Variants in NUP214 observed in about 807,000 individuals in gnomAD.
The protein encoded by NUP214 is nucleoporin 214.
Under a neutral mutation model 196.2 loss-of-function variants are expected in NUP214, and 79 were observed. That is an observed-to-expected ratio of 0.40 (90% CI 0.34 to 0.49). The LOEUF is 0.49. NUP214 is among the 20% of genes least tolerant of loss of function. The pLI is 0.58. For synonymous variants in NUP214, 1,020 were observed against 990.5 expected (o/e 1.03, Z -0.56); for missense variants, 2,468 against 2,539.0 (o/e 0.97, Z 0.60).
At chr9:131,143,196 A>G (rs1200587632) in intron 11 of NUP214, among the ~76,000 whole-genome samples, 5 of 152,078 alleles carry the variant, frequency 3.3e-5, no homozygotes, top group Admixed American at 2.6e-4. Flanking sequence ...TTTTGTAGCA[A>G]CAGGGTCTCA....
chr9:131,213,751 CTGTTGTTGT>C (rs55661030), intron 30 of NUP214, among the ~76,000 whole-genome samples: 62 of 147,646 alleles, frequency 4.2e-4, no homozygotes, highest in East Asian at 1.0e-3. Context: ...TGAATTGGTA[CTGTTGTTGT>C]TGTTGTTGTT....
In NUP214 at chr9:131,198,082, C is replaced by A. The variant is rs143320929; in HGVS notation, c.4588C>A (p.Pro1530Thr). ...ACAGTCAGCCCAGCTTCCCCAGGCT[C>A]CTCCGCAAACTTCTGACTCTGTTAA... ...EQQSAQLPQA[P>T]PQTSDSVKKE... The change falls in exon 29 of 36, where the codon CCT becomes ACT. Residue 1530 changes from proline (P) to threonine (T), a missense_variant. Around this residue, in one of 5 missense-constraint regions of NUP214, gnomAD observed 1,801 missense variants for 1,779.4 expected, o/e 1.01. Coordinates refer to ENST00000359428, the MANE Select transcript of NUP214 (RefSeq NM_005085.4). The A allele has an allele frequency of 6.7e-5, 108 of 1,614,068 alleles. No homozygotes were observed. Among genetic ancestry groups the A allele is most frequent in the Non-Finnish European group, 8.9e-5 (105 of 1,180,030 alleles).
chr9:131,157,880 A>G (rs978061566), intron 17 of NUP214, among the ~76,000 whole-genome samples: 26 of 152,010 alleles, frequency 1.7e-4, no homozygotes, highest in Non-Finnish European at 2.9e-5. Flanking sequence ...TCCTGGCCTC[A>G]AGTGATCCAC....
chr9:131,227,075 A>G (rs1422745388), intron 32 of NUP214, among the ~76,000 whole-genome samples: 1 of 152,262 alleles, frequency 6.6e-6, no homozygotes, highest in Non-Finnish European at 1.5e-5. Context: ...CACATTTCTT[A>G]TGCCATTCTA....
chr9:131,223,774 G>A (rs1160341777), intron 32 of NUP214, among the ~76,000 whole-genome samples: 4 of 35,824 alleles, frequency 1.1e-4, no homozygotes, highest in Non-Finnish European at 1.9e-4. Flanking sequence ...TCGCTCTGTC[G>A]CCCAGGCTGG....
At chr9:131,222,648 C>T in intron 31 of NUP214, 130 bp from the exon 32 acceptor site, 1 of 1,072,140 alleles carries the variant, frequency 9.3e-7, no homozygotes, top group Non-Finnish European at 1.3e-6. Flanking sequence ...TGTCGCTCCG[C>T]TCCCTTGGCT....
At chr9:131,217,850 G>A (rs982835128) in intron 31 of NUP214, among the ~76,000 whole-genome samples, 1 of 152,206 alleles carries the variant, frequency 6.6e-6, no homozygotes, top group Admixed American at 6.5e-5. Flanking sequence ...CCTTCTGTCA[G>A]TGGCTGGCTG....
intron 19 of NUP214, 82 bp from the exon 20 acceptor site, chr9:131,163,788 T>C (rs1030824539): frequency 8.7e-6 from 8 of 918,252 alleles, no homozygotes; most frequent in Non-Finnish European, 1.4e-5. Context: ...CTTGCATTTA[T>C]ATTTAAGAGG....
In NUP214 at chr9:131,232,194, G is replaced by A; in HGVS notation, c.6215-90G>A. ...AGGCACGGAGGGCTTCCCACAAGAA[G>A]CACAGAGGAGGGCAGACACTTAGCA... is the stretch of plus-strand genomic sequence containing the variant. On this transcript the variant is annotated intron_variant, in intron 34 of 35. Coordinates refer to ENST00000359428, the MANE Select transcript of NUP214 (RefSeq NM_005085.4). This position sits in a 1 kb window ranked among gnomAD's most constrained non-coding sequence, Gnocchi z 5.1. The A allele has an allele frequency of 1.4e-6, 2 of 1,405,560 alleles. No individual in the cohort carries two copies. Among genetic ancestry groups the A allele is most frequent in the Non-Finnish European group, 2.0e-6 (2 of 989,822 alleles). 87.1% of individuals were successfully genotyped at this position (1,405,560 alleles called of 1,614,324 possible). A position where few individuals can be genotyped will look rare whatever the true frequency, so the allele number is the denominator to read the frequency against.
intron 27 of NUP214, chr9:131,193,964 TA>T (rs1833700466): frequency 6.6e-6 from 1 of 151,702 alleles, no homozygotes; most frequent in Admixed American, 6.6e-5. Flanking sequence ...TTCCCATTTT[TA>T]AAATAACCCA....
At chr9:131,181,047 A>G (rs150455165) in intron 24 of NUP214, among the ~76,000 whole-genome samples, 55 of 152,316 alleles carry the variant, frequency 3.6e-4, no homozygotes, top group African/African-American at 1.3e-3. Context: ...GGAGAAAATT[A>G]AAGCGGGGGA....
At chr9:131,136,162 C>T (rs111254480) in intron 9 of NUP214, among the ~76,000 whole-genome samples, 156 bp downstream of exon 9, 1 of 152,176 alleles carries the variant, frequency 6.6e-6, no homozygotes, top group Non-Finnish European at 1.5e-5. Context: ...GCCTCAGCCT[C>T]CCAAGTAGCT....
Position 131,146,020 on chromosome 9 carries a change from GT to G in NUP214, c.1770-108del. On this transcript the variant is annotated intron_variant, in intron 12 of 35. Coordinates refer to ENST00000359428, the MANE Select transcript of NUP214 (RefSeq NM_005085.4). This position sits in a 1 kb window ranked among gnomAD's most constrained non-coding sequence, Gnocchi z 4.6. ...TGAAGGCAAAAAGTATGTTATCTTT[GT>G]AAGTTAACATAAAAGATAATAAGTT... is the stretch of plus-strand genomic sequence containing the variant. 9.6e-7 allele frequency: 1 copy of G among 1,038,842 alleles called. No homozygotes were observed. The highest frequency in any genetic ancestry group is 2.2e-5 in the Admixed American group (1 of 44,548). The allele number at this position is 1,038,842 out of a possible 1,614,324, so 64.4% of individuals were successfully genotyped here. A position where few individuals can be genotyped will look rare whatever the true frequency, so the allele number is the denominator to read the frequency against.
intron 32 of NUP214, among the ~76,000 whole-genome samples, chr9:131,226,824 G>A (rs1028992260): frequency 5.3e-5 from 8 of 152,196 alleles, no homozygotes; most frequent in African/African-American, 1.9e-4. Context: ...TTAACTGAGG[G>A]ATTCAGCTGA....
At chr9:131,194,889 A>G (rs914896810) in intron 27 of NUP214, among the ~76,000 whole-genome samples, 3 of 152,120 alleles carry the variant, frequency 2.0e-5, no homozygotes, top group Non-Finnish European at 2.9e-5. Flanking sequence ...TGCTCCGGCC[A>G]CCATTCCCAC....
intron 4 of NUP214, among the ~76,000 whole-genome samples, chr9:131,130,137 G>GTTTTTTGT (rs1831490980): frequency 1.3e-4 from 10 of 76,892 alleles, no homozygotes; most frequent in Non-Finnish European, 1.8e-4. Context: ...TTCTGGTTTT[G>GTTTTTTGT]TTTTTTTTTT....
chr9:131,175,445 T>C lies in NUP214; in HGVS notation c.3158-15T>C. On this transcript the variant is annotated splice_polypyrimidine_tract_variant and intron_variant, in intron 22 of 35. Transcript: ENST00000359428. ...TCTCTCACCCACTCACACTTAATTT[T>C]TCTTTTCCTCTTAGTGGCTACATCT... The C allele has an allele frequency of 6.2e-7, 1 of 1,614,036 alleles. No homozygotes were observed. The highest frequency in any genetic ancestry group is 1.3e-5 in the African/African-American group (1 of 75,052).
rs551159949 is a variant in NUP214, at chr9:131,139,465, T to A, written c.1132+58T>A. The A allele has an allele frequency of 3.8e-6, 6 of 1,580,652 alleles. No individual in the cohort carries two copies. In the East Asian group the frequency reaches 1.4e-4, roughly 36 times the overall value. ...GTCTTCTTTCTAGTTAGGGTTAATA[T>A]TGAAACACCAGTTACATGTTACTGA... On this transcript the variant is annotated intron_variant, in intron 10 of 35. Transcript: ENST00000359428.
At chr9:131,175,798 C>T (rs908468020) in intron 23 of NUP214, 177 bp downstream of exon 23, 2 of 942,748 alleles carry the variant, frequency 2.1e-6, no homozygotes, top group Admixed American at 3.7e-5. Flanking sequence ...GAGACTAGGT[C>T]TGAAAATCTT....
Sources: gnomAD v4.1 joint callset for allele counts (sites outside exome capture counted in the v4.1 genomes callset) on GRCh38, gnomAD v4.1.1 for gene constraint, gnomAD v4.1.1 regional missense constraint, Gnocchi (gnomAD v3.1) non-coding constraint, MANE v1.5 for transcripts, NCBI Gene and HGNC (gene_info 2026-07-23, HGNC 2026-07-21) for gene names.